BRD10: variants seen among roughly 807,000 people sequenced by gnomAD.
BRD10 encodes the protein uncharacterized bromodomain-containing protein 10.
the BRD10 span, among the ~76,000 whole-genome samples, chr9:5,989,015 G>A: frequency 6.6e-6 from 1 of 152,180 alleles, no homozygotes; most frequent in African/African-American, 2.4e-5. Flanking sequence ...CGAATCATCT[G>A]AGGTCAGGAG....
At chr9:5,885,077 C>G in the BRD10 span, among the ~76,000 whole-genome samples, 1 of 152,224 alleles carries the variant, frequency 6.6e-6, no homozygotes, top group African/African-American at 2.4e-5. Context: ...TTCCTCCACC[C>G]TCCTGGCTGC....
the BRD10 span, among the ~76,000 whole-genome samples, chr9:5,945,414 A>G: frequency 6.6e-6 from 1 of 152,108 alleles, no homozygotes; most frequent in Non-Finnish European, 1.5e-5. Flanking sequence ...CAATTTAACA[A>G]ACCTTAGTTA....
At chr9:5,957,930 C>G in the BRD10 span, among the ~76,000 whole-genome samples, 1 of 152,130 alleles carries the variant, frequency 6.6e-6, no homozygotes. Context: ...CCTTATCACT[C>G]AACTTGATCA....
chr9:5,958,179 T>C, the BRD10 span, among the ~76,000 whole-genome samples: 16 of 152,248 alleles, frequency 1.1e-4, no homozygotes, highest in Admixed American at 9.2e-4. Context: ...TATACCCTAA[T>C]GAAGCTTTCT....
At chr9:5,982,397 T>C in the BRD10 span, among the ~76,000 whole-genome samples, 1 of 152,150 alleles carries the variant, frequency 6.6e-6, no homozygotes, top group Admixed American at 6.6e-5. Context: ...AAAACTCGTG[T>C]TGAAATTTAA....
chr9:5,977,385 C>G, the BRD10 span, among the ~76,000 whole-genome samples: 4 of 152,150 alleles, frequency 2.6e-5, no homozygotes, highest in African/African-American at 4.8e-5. Flanking sequence ...TAAGGCAGAA[C>G]AGCCCTTTAC....
chr9:5,919,382 A>T, the BRD10 span: 17 of 239,872 alleles, frequency 7.1e-5, no homozygotes, highest in East Asian at 1.1e-3. Context: ...CTTACTCTAA[A>T]CTATTCAAAC....
At chr9:5,913,184 C>A in the BRD10 span, among the ~76,000 whole-genome samples, 1 of 152,196 alleles carries the variant, frequency 6.6e-6, no homozygotes. Flanking sequence ...ACTGATTATA[C>A]AAATCAATGA....
chr9:5,879,150 A>G, the BRD10 span, among the ~76,000 whole-genome samples: 1 of 152,202 alleles, frequency 6.6e-6, no homozygotes, highest in South Asian at 2.1e-4. Context: ...GACTTCCAGA[A>G]GAATACAAAG....
chr9:5,959,316 C>T, the BRD10 span, among the ~76,000 whole-genome samples: 1 of 152,174 alleles, frequency 6.6e-6, no homozygotes, highest in African/African-American at 2.4e-5. Flanking sequence ...AAGATCCTTT[C>T]TCCTAATCCT....
the BRD10 span, chr9:6,007,650 A>T: frequency 6.2e-7 from 1 of 1,603,664 alleles, no homozygotes; most frequent in Non-Finnish European, 8.5e-7. Flanking sequence ...GCGAGGAGGC[A>T]CTCCTTCCGT....
chr9:5,990,591 G>A, the BRD10 span, among the ~76,000 whole-genome samples: 2 of 152,214 alleles, frequency 1.3e-5, no homozygotes, highest in African/African-American at 4.8e-5. Context: ...AAAGACCAAA[G>A]AGAAAGTAAT....
chr9:5,961,480 A>C, the BRD10 span, among the ~76,000 whole-genome samples: 1 of 151,922 alleles, frequency 6.6e-6, no homozygotes, highest in Non-Finnish European at 1.5e-5. Flanking sequence ...GTTTTTTTTT[A>C]CTCTTAAATA....
chr9:6,003,178 T>C, the BRD10 span, among the ~76,000 whole-genome samples: 2 of 152,224 alleles, frequency 1.3e-5, no homozygotes, highest in Non-Finnish European at 2.9e-5. Context: ...CACCAAGATA[T>C]TATCATAAAT....
At chr9:5,949,999 T>C in the BRD10 span, among the ~76,000 whole-genome samples, 1 of 152,194 alleles carries the variant, frequency 6.6e-6, no homozygotes, top group African/African-American at 2.4e-5. Context: ...ACCAATATTC[T>C]ATAATTATCA....
the BRD10 span, among the ~76,000 whole-genome samples, chr9:5,995,749 G>T: frequency 3.3e-5 from 5 of 152,262 alleles, no homozygotes; most frequent in African/African-American, 1.2e-4. Context: ...TAGATAGATA[G>T]GAAAGAGTGG....
At chr9:5,943,422 T>C in the BRD10 span, among the ~76,000 whole-genome samples, 1 of 152,052 alleles carries the variant, frequency 6.6e-6, no homozygotes, top group African/African-American at 2.4e-5. Flanking sequence ...CAGAATTGTT[T>C]AGAACGAAAT....
chr9:5,957,496 T>C, the BRD10 span, among the ~76,000 whole-genome samples: 27 of 152,276 alleles, frequency 1.8e-4, no homozygotes, highest in Middle Eastern at 0.01. Flanking sequence ...AAACAGGCTA[T>C]AAACAGGTAA....
At chr9:5,971,539 C>T in the BRD10 span, among the ~76,000 whole-genome samples, 1 of 152,138 alleles carries the variant, frequency 6.6e-6, no homozygotes, top group Non-Finnish European at 1.5e-5. Flanking sequence ...ATAGTAAGAA[C>T]ACTACTTTGG....
Sources: allele counts gnomAD v4.1 joint callset (sites outside exome capture counted in the v4.1 genomes callset), GRCh38; gene constraint gnomAD v4.1.1; transcripts MANE v1.5; gene names NCBI Gene and HGNC (gene_info 2026-07-23, HGNC 2026-07-21).